Variants in ALK observed in about 807,000 individuals in gnomAD.
ALK encodes the protein ALK tyrosine kinase receptor.
In ALK, 74 loss-of-function variants were observed where a neutral mutation model predicts 163.1. The ratio of observed to expected loss-of-function variants is 0.45; its 90% CI spans 0.38 to 0.55. The LOEUF is 0.55. Ranked by LOEUF, ALK falls within the 20% of genes least tolerant of loss-of-function variation. The pLI is 0.00. For missense variants in ALK, 2,063 were observed against 2,105.3 expected (o/e 0.98, Z 0.39); for synonymous variants, 960 against 843.2 (o/e 1.14, Z -2.40).
At chr2:29,830,975 AGAAGAAGAAG>A (rs1156858105) in intron 1 of ALK, among the ~76,000 whole-genome samples, 2 of 44,920 alleles carry the variant, frequency 4.5e-5, no homozygotes, top group African/African-American at 1.4e-4. Context: ...AAGAAGAAGA[AGAAGAAGAAG>A]AAGAAGAAGA....
At chr2:29,884,644 G>A (rs1235595255) in intron 1 of ALK, among the ~76,000 whole-genome samples, 1 of 152,188 alleles carries the variant, frequency 6.6e-6, no homozygotes, top group Admixed American at 6.5e-5. Context: ...AAGTTATTAT[G>A]TAACAACTTA....
intron 3 of ALK, among the ~76,000 whole-genome samples, chr2:29,687,808 T>C (rs1434213922): frequency 6.6e-6 from 1 of 152,204 alleles, no homozygotes; most frequent in Non-Finnish European, 1.5e-5. Context: ...TTTCCCCATA[T>C]TATTCAATAT....
chr2:29,393,067 T>C (rs1669218499), intron 4 of ALK, among the ~76,000 whole-genome samples: 10 of 152,112 alleles, frequency 6.6e-5, no homozygotes, highest in Admixed American at 5.2e-4. Context: ...TACTAAGTGT[T>C]CAAGGTTACT....
At chr2:29,770,888 G>A (rs895761554) in intron 1 of ALK, among the ~76,000 whole-genome samples, 1 of 150,806 alleles carries the variant, frequency 6.6e-6, no homozygotes, top group East Asian at 1.9e-4. Context: ...CATGCACACA[G>A]CCACACACAC....
At chr2:29,300,294 A>G (rs1666331547) in intron 8 of ALK, among the ~76,000 whole-genome samples, 1 of 152,090 alleles carries the variant, frequency 6.6e-6, no homozygotes. Context: ...CACACCTGTA[A>G]TCCCACCACT....
At chr2:29,379,750 T>C (rs562728369) in intron 5 of ALK, among the ~76,000 whole-genome samples, 2 of 152,262 alleles carry the variant, frequency 1.3e-5, no homozygotes, top group Admixed American at 6.5e-5. Context: ...GTGTGGAAGA[T>C]GGAATGGTAT....
rs764679895 is a variant in ALK at position 29,391,310 on chromosome 2, G to GGC, written c.1155-7452_1155-7451insGC. On this transcript the variant is annotated intron_variant, in intron 4 of 28. Transcript: ENST00000389048. ...TTTTCCTAGCCTCTTTTTTTTGGGG[G>GGC]GGGGGTGGTGGTGTGGAGTGTCACT... 7.6e-4 allele frequency among the ~76,000 whole-genome samples: 109 copies of GGC among 142,794 alleles called. 1 individual carries two copies. The highest frequency in any genetic ancestry group is 1.5e-3 in the Admixed American group (21 of 14,250). 93.7% of individuals were successfully genotyped at this position (142,794 alleles called of 152,430 possible). A position where few individuals can be genotyped will look rare whatever the true frequency, so the allele number is the denominator to read the frequency against.
chr2:29,517,105 G>A (rs1338599325), intron 4 of ALK, among the ~76,000 whole-genome samples: 1 of 152,220 alleles, frequency 6.6e-6, no homozygotes, highest in Admixed American at 6.5e-5. Flanking sequence ...TTCAGTGTAT[G>A]TTTTGATGAA....
intron 3 of ALK, among the ~76,000 whole-genome samples, chr2:29,569,568 C>G (rs75351759): frequency 0.038 from 2,929 of 77,836 alleles, 58 homozygotes; most frequent in Non-Finnish European, 0.051. Flanking sequence ...TTTCTTCCCC[C>G]CCCCTAGTGA....
chr2:29,242,396 C>A (rs1461192597), intron 12 of ALK, among the ~76,000 whole-genome samples: 3 of 152,248 alleles, frequency 2.0e-5, no homozygotes, highest in African/African-American at 7.2e-5. Context: ...TTTGCATCAA[C>A]CATGCATTAT....
intron 4 of ALK, among the ~76,000 whole-genome samples, chr2:29,414,439 C>G (rs73923622): frequency 0.042 from 6,333 of 152,224 alleles, 401 homozygotes; most frequent in African/African-American, 0.14. Context: ...TTTGAGTCCC[C>G]ATTCTTGCCA....
intron 8 of ALK, among the ~76,000 whole-genome samples, chr2:29,307,105 C>A (rs1053985298): frequency 6.6e-6 from 1 of 152,226 alleles, no homozygotes; most frequent in Admixed American, 6.5e-5. Context: ...GTAATTATTG[C>A]AATTTTATGT....
chr2:29,551,311 G>A (rs910424776), intron 3 of ALK, among the ~76,000 whole-genome samples: 15 of 152,046 alleles, frequency 9.9e-5, no homozygotes, highest in African/African-American at 3.4e-4. Flanking sequence ...ACTTCATGGA[G>A]TCATTAAAAT....
At chr2:29,328,258 C>A in intron 6 of ALK, 92 bp downstream of exon 6, 2 of 1,581,446 alleles carry the variant, frequency 1.3e-6, no homozygotes, top group South Asian at 2.2e-5. Context: ...ATCAGGAAGG[C>A]TGTCCATGCT....
intron 2 of ALK, among the ~76,000 whole-genome samples, chr2:29,697,770 C>T (rs1459429439): frequency 6.6e-6 from 1 of 152,160 alleles, no homozygotes; most frequent in Non-Finnish European, 1.5e-5. Context: ...TAAAGCAGTG[C>T]ATTTTAACAG....
Position 29,239,609 on chromosome 2 carries a change from T to C in ALK, c.2355+71A>G, listed in dbSNP as rs993173200. ...ACTTCCAGGAGGAGGGTGTTGAGTG[T>C]TGGTGCCTCCAAGAGGCCTTCCCGG... is the stretch of plus-strand genomic sequence containing the variant. On this transcript the variant is annotated intron_variant, in intron 13 of 28. Coordinates refer to ENST00000389048, the MANE Select transcript of ALK (RefSeq NM_004304.5). 5.1e-6 allele frequency: 8 copies of C among 1,578,782 alleles called. No homozygotes were observed. In the African/African-American group the frequency reaches 9.4e-5, roughly 19 times the overall value.
intron 9 of ALK, among the ~76,000 whole-genome samples, chr2:29,275,817 G>T (rs775409326): frequency 2.0e-5 from 3 of 152,174 alleles, no homozygotes; most frequent in Non-Finnish European, 4.4e-5. Flanking sequence ...TGTGCAGGAT[G>T]CTTGGAAATG....
At chr2:29,261,085 A>G (rs1056730231) in intron 11 of ALK, among the ~76,000 whole-genome samples, 2 of 152,118 alleles carry the variant, frequency 1.3e-5, no homozygotes, top group African/African-American at 2.4e-5. Context: ...GGTCCCCTGC[A>G]CTGGGCAAAG....
At chr2:29,750,697 A>AAGGCAGGAAGGC (rs1680338372) in intron 1 of ALK, among the ~76,000 whole-genome samples, 3 of 84,540 alleles carry the variant, frequency 3.5e-5, no homozygotes, top group South Asian at 4.6e-4. Context: ...GGAAGGAAGG[A>AAGGCAGGAAGGC]AGGCAGGCAG....
Sources: allele counts gnomAD v4.1 joint callset (sites outside exome capture counted in the v4.1 genomes callset), GRCh38; gene constraint gnomAD v4.1.1; transcripts MANE v1.5; gene names NCBI Gene and HGNC (gene_info 2026-07-23, HGNC 2026-07-21).